The following OPCML variants were observed in gnomAD, a reference collection of about 807,000 sequenced individuals.
The protein encoded by OPCML is opioid binding protein/cell adhesion molecule like.
Under a neutral mutation model 37.8 loss-of-function variants are expected in OPCML, and 13 were observed. The observed-to-expected ratio is 0.34, with a 90% CI of 0.22 to 0.55. The LOEUF is 0.55. Among genes scored for constraint, OPCML ranks in the 20% least tolerant of loss-of-function variants. OPCML has a pLI of 0.91. For missense variants in OPCML, 341 were observed against 435.6 expected (o/e 0.78, Z 1.93); for synonymous variants, 176 against 168.8 (o/e 1.04, Z -0.33).
chr11:133,339,853 C>A (rs1255316246), intron 1 of OPCML, among the ~76,000 whole-genome samples: 1 of 152,132 alleles, frequency 6.6e-6, no homozygotes, highest in Admixed American at 6.5e-5. Context: ...ATACTCAGAA[C>A]ATAACAAAAG....
chr11:133,213,762 C>T (rs1442444594), intron 1 of OPCML, among the ~76,000 whole-genome samples: 1 of 152,114 alleles, frequency 6.6e-6, no homozygotes, highest in Non-Finnish European at 1.5e-5. Flanking sequence ...GGGGTTTAGA[C>T]ATGTTTAATG....
At chr11:132,444,017 G>T (rs1419724744) in intron 4 of OPCML, among the ~76,000 whole-genome samples, 1 of 152,206 alleles carries the variant, frequency 6.6e-6, no homozygotes, top group African/African-American at 2.4e-5. Context: ...ACAGTAGAAT[G>T]CTTGACTTTA....
intron 1 of OPCML, among the ~76,000 whole-genome samples, chr11:133,132,625 T>G (rs1949622806): frequency 6.6e-6 from 1 of 152,130 alleles, no homozygotes; most frequent in Non-Finnish European, 1.5e-5. Context: ...AACAGCTGAA[T>G]GGCCAACCAA....
chr11:132,599,117 A>G (rs1017840320), intron 3 of OPCML, among the ~76,000 whole-genome samples: 7 of 152,104 alleles, frequency 4.6e-5, no homozygotes, highest in Admixed American at 1.3e-4. Flanking sequence ...CATCTCTACT[A>G]AAAATACAAA....
chr11:132,971,556 G>T (rs1946344019), intron 1 of OPCML, among the ~76,000 whole-genome samples: 1 of 152,162 alleles, frequency 6.6e-6, no homozygotes, highest in South Asian at 2.1e-4. Flanking sequence ...GATACATCTA[G>T]CTCTGATCAG....
chr11:133,091,474 A>C (rs1004471593), intron 1 of OPCML, among the ~76,000 whole-genome samples: 6 of 152,222 alleles, frequency 3.9e-5, no homozygotes, highest in Admixed American at 3.3e-4. Flanking sequence ...AGTGTGGGCT[A>C]TCCCCAGCAA....
At chr11:132,750,349 T>C (rs945383968) in intron 2 of OPCML, among the ~76,000 whole-genome samples, 3 of 152,028 alleles carry the variant, frequency 2.0e-5, no homozygotes, top group Non-Finnish European at 4.4e-5. Context: ...AATAGTCCAA[T>C]AGAAAAAGAC....
intron 2 of OPCML, among the ~76,000 whole-genome samples, chr11:132,774,876 T>C (rs1466617047): frequency 6.6e-6 from 1 of 152,174 alleles, no homozygotes; most frequent in African/African-American, 2.4e-5. Flanking sequence ...CACACTGTAT[T>C]TTTATTTGTT....
intron 3 of OPCML, among the ~76,000 whole-genome samples, chr11:132,574,030 C>A (rs986543685): frequency 6.6e-6 from 1 of 151,756 alleles, no homozygotes; most frequent in Admixed American, 6.6e-5. Flanking sequence ...TCATAGTAGT[C>A]TTTCATGTTC....
intron 3 of OPCML, among the ~76,000 whole-genome samples, chr11:132,541,010 GATCACAGGGTTTAATTTAC>G (rs1415880027): frequency 6.6e-6 from 1 of 152,122 alleles, no homozygotes; most frequent in African/African-American, 2.4e-5. Context: ...ACACACTTAG[GATCACAGGGTTTAATTTAC>G]ATCACAGAAT....
chr11:132,616,035 T>A (rs1038846910), intron 3 of OPCML, among the ~76,000 whole-genome samples: 1 of 152,008 alleles, frequency 6.6e-6, no homozygotes, highest in East Asian at 1.9e-4. Flanking sequence ...CAACACCTAT[T>A]TGGGCAAAAA....
intron 2 of OPCML, among the ~76,000 whole-genome samples, chr11:132,899,664 G>C (rs1004680559): frequency 6.6e-6 from 1 of 152,068 alleles, no homozygotes. Flanking sequence ...CTAGAGAATT[G>C]ATAAAGCATT....
In OPCML at chr11:132,638,965, G is replaced by A. The variant is rs376917933; in HGVS notation, c.379+18122C>T. Among the ~76,000 whole-genome samples the A allele has an allele frequency of 5.9e-5, 9 of 152,258 alleles. No homozygotes were observed. The South Asian group carries it at 1.9e-3, about 32-fold the overall frequency. ...GTGAACTGGTTTTTTCTGCGCAGCGGGTAGGAAGAATTTGTTGGGTGACTA... is the reference window on the plus strand; with the variant it reads ...GTGAACTGGTTTTTTCTGCGCAGCGAGTAGGAAGAATTTGTTGGGTGACTA... On this transcript the variant is annotated intron_variant, in intron 3 of 7. Coordinates refer to ENST00000524381, the MANE Select transcript of OPCML (RefSeq NM_001012393.5).
Position 133,208,989 on chromosome 11 carries a change from C to A in OPCML, c.62-265979G>T, listed in dbSNP as rs1001796298. 1.3e-5 allele frequency among the ~76,000 whole-genome samples: 2 copies of A among 152,276 alleles called. No individual in the cohort carries two copies. The highest frequency in any genetic ancestry group is 2.1e-4 in the South Asian group (1 of 4,820). ...AAAAATTACCTGAAATGCTGTCCTA[C>A]ATTCTCTTCACATGACCAATTCCTA... On this transcript the variant is annotated intron_variant, in intron 1 of 7. Transcript: ENST00000524381. This position sits in a 1 kb window ranked among gnomAD's most constrained non-coding sequence, Gnocchi z 8.9.
chr11:132,717,543 T>G (rs1944536089), intron 2 of OPCML, among the ~76,000 whole-genome samples: 1 of 152,192 alleles, frequency 6.6e-6, no homozygotes, highest in Non-Finnish European at 1.5e-5. Flanking sequence ...ACAGTCGTCA[T>G]CTCTGGGTGG....
intron 3 of OPCML, among the ~76,000 whole-genome samples, chr11:132,622,397 G>A (rs1939474562): frequency 6.6e-6 from 1 of 152,012 alleles, no homozygotes; most frequent in South Asian, 2.1e-4. Context: ...GGCCACTGAA[G>A]AAGCCAAGAG....
intron 1 of OPCML, among the ~76,000 whole-genome samples, chr11:133,374,129 C>T (rs1259099533): frequency 6.6e-6 from 1 of 151,732 alleles, no homozygotes; most frequent in Non-Finnish European, 1.5e-5. Flanking sequence ...GGTGAGTGGA[C>T]AGATAAATGG....
chr11:133,407,741 G>A (rs1409792836), intron 1 of OPCML, among the ~76,000 whole-genome samples: 2 of 152,218 alleles, frequency 1.3e-5, no homozygotes, highest in Non-Finnish European at 2.9e-5. Context: ...TGTGGTCAGA[G>A]AGGAGGAGAG....
chr11:132,755,094 T>C (rs1333935190), intron 2 of OPCML, among the ~76,000 whole-genome samples: 2 of 152,214 alleles, frequency 1.3e-5, no homozygotes, highest in African/African-American at 4.8e-5. Flanking sequence ...GATTGAACCA[T>C]AGAAAACTAC....
Sources: allele counts gnomAD v4.1 joint callset (sites outside exome capture counted in the v4.1 genomes callset), GRCh38; gene constraint gnomAD v4.1.1; non-coding constraint Gnocchi (gnomAD v3.1); transcripts MANE v1.5; gene names NCBI Gene and HGNC (gene_info 2026-07-23, HGNC 2026-07-21).